MCM3: variants seen among roughly 807,000 people sequenced by gnomAD.
MCM3 encodes DNA replication licensing factor MCM3.
A neutral mutation model predicts 91.3 loss-of-function variants in MCM3; 59 were observed. The ratio of observed to expected loss-of-function variants is 0.65; its 90% CI spans 0.52 to 0.80. The LOEUF is 0.80. Among genes scored for constraint, MCM3 ranks in the 30% least tolerant of loss-of-function variants. MCM3 has a pLI of 0.00. For synonymous variants in MCM3, 383 were observed against 379.6 expected (o/e 1.01, Z -0.10); for missense variants, 919 against 1,035.4 (o/e 0.89, Z 1.54).
intron 9 of MCM3, 51 bp downstream of exon 9, chr6:52,276,217 A>T (rs773749924): frequency 5.2e-6 from 8 of 1,530,658 alleles, no homozygotes; most frequent in Non-Finnish European, 6.2e-6. Flanking sequence ...CCAGTTAGTC[A>T]GCAAAACCAA....
At chr6:52,265,148 A>G in intron 16 of MCM3, 1 of 343,372 alleles carries the variant, frequency 2.9e-6, no homozygotes, top group Non-Finnish European at 5.7e-6. Context: ...GTGCACACTG[A>G]TAAATTTAAT....
rs758832896 is a variant in MCM3 at position 52,272,392 on chromosome 6, T to C, written c.1736A>G (p.Lys579Arg). ...KKYIHVAKII[K>R]PVLTQESATY... The stretch of plus-strand genomic sequence containing the variant: ...GGCCGACTCCTGTGTCAGGACAGGC[T>C]TGATGATTTTGGCCACATGGATGTA... The change falls in exon 12 of 17, where the codon AAG becomes AGG. Residue 579 changes from lysine to arginine, a missense_variant. Around this residue, in one of 3 missense-constraint regions of MCM3, gnomAD observed 285 missense variants for 311.4 expected, o/e 0.92. Transcript: ENST00000596288. 8.1e-6 allele frequency: 13 copies of C among 1,614,072 alleles called. No individual in the cohort carries two copies. The highest frequency in any genetic ancestry group is 1.3e-5 in the African/African-American group (1 of 74,920).
At position 52,273,214 on chromosome 6, in the gene MCM3, TTA is replaced by T. The variant is rs1272348078; in HGVS notation, c.1676+14_1676+15del. 6.2e-7 allele frequency: 1 copy of T among 1,613,794 alleles called. No individual in the cohort carries two copies. The highest frequency in any genetic ancestry group is 1.1e-5 in the South Asian group (1 of 91,058). On this transcript the variant is annotated intron_variant, in intron 11 of 16. Transcript: ENST00000596288. ...TATTTCAGGTTCCCTTGAGGAAGAG[TTA>T]TGAGAATGCTCACTTTTTCTTCTTG...
At position 52,282,156 on chromosome 6, in the gene MCM3, T is replaced by A. The variant is rs766941891; in HGVS notation, c.420A>T (p.Lys140Asn). The change falls in exon 4 of 17, where the codon AAA becomes AAT. Residue 140 changes from lysine to asparagine, a missense_variant. Around this residue, in one of 3 missense-constraint regions of MCM3, gnomAD observed 401 missense variants for 402.7 expected, o/e 1.00. Coordinates refer to ENST00000596288, the MANE Select transcript of MCM3 (RefSeq NM_002388.6). Reference sequence around the variant, plus strand: ...GACAGTAGTGGACACTGCGGACGACTTTGGGACGAACTAGAGAACCTAGGG... The same window carrying A: ...GACAGTAGTGGACACTGCGGACGACATTGGGACGAACTAGAGAACCTAGGG... ...IVTKCSLVRP[K>N]VVRSVHYCPA... 3 of 1,614,136 alleles carry A rather than the reference T, an allele frequency of 1.9e-6. No homozygotes were observed. Among genetic ancestry groups the A allele is most frequent in the Non-Finnish European group, 2.5e-6 (3 of 1,179,990 alleles).
At chr6:52,275,722 G>C (rs997049914) in intron 9 of MCM3, among the ~76,000 whole-genome samples, 6 of 152,138 alleles carry the variant, frequency 3.9e-5, no homozygotes, top group Admixed American at 3.3e-4. Context: ...CGGAATACTA[G>C]AAATCTATTT....
rs1348268831 is a variant in MCM3 at position 52,284,643 on chromosome 6, T to A, written c.32A>T (p.Glu11Val). 6.2e-7 allele frequency: 1 copy of A among 1,604,602 alleles called. No homozygotes were observed. Among genetic ancestry groups the A allele is most frequent in the Non-Finnish European group, 8.5e-7 (1 of 1,176,658 alleles). MAGTVVLDDV[E>V]LREAQRDYLD... ...GTAATCTCTCTGAGCCTCCCGCAGC[T>A]CCACATCGTCCAGCACCACGGTACC... Residue 11 changes from glutamate to valine, a missense_variant, in exon 1 of 17, where the codon GAG (glutamate) becomes GTG (valine). Physicochemically the swap from Glu to Val is moderately radical, Grantham distance 121. This residue lies in a region of MCM3 where 401 missense variants were observed against 402.7 expected (regional missense o/e 1.00). Coordinates refer to ENST00000596288, the MANE Select transcript of MCM3 (RefSeq NM_002388.6).
chr6:52,274,274 A>G (rs1259139041), intron 9 of MCM3, among the ~76,000 whole-genome samples: 1 of 152,140 alleles, frequency 6.6e-6, no homozygotes, highest in African/African-American at 2.4e-5. Flanking sequence ...ACCTGTCATA[A>G]AGACAGGGCA....
intron 5 of MCM3, 122 bp from the exon 6 acceptor site, chr6:52,278,972 G>A: frequency 3.2e-6 from 2 of 627,218 alleles, no homozygotes; most frequent in African/African-American, 1.8e-5. Context: ...TAGAGTTGGT[G>A]GGGAGGGGGC....
chr6:52,283,379 C>G lies in MCM3; in HGVS notation c.106G>C (p.Val36Leu). ...EEDQGIYQSK[V>L]RELISDNQYR... ...TGGTTGTCACTGATCAGCTCCCGAA[C>G]TTTGCTCTGATAAATTCCCTGGTCT... The change falls in exon 2 of 17, where the codon GTT becomes CTT. Residue 36 changes from valine (V) to leucine (L), a missense_variant. Coordinates refer to ENST00000596288, the MANE Select transcript of MCM3 (RefSeq NM_002388.6). 1 of 1,614,208 alleles carries G rather than the reference C, an allele frequency of 6.2e-7. No homozygotes were observed. The highest frequency in any genetic ancestry group is 8.5e-7 in the Non-Finnish European group (1 of 1,180,022).
At chr6:52,268,497 C>T (rs1040007237) in intron 13 of MCM3, among the ~76,000 whole-genome samples, 2 of 152,174 alleles carry the variant, frequency 1.3e-5, no homozygotes, top group African/African-American at 4.8e-5. Flanking sequence ...ATTAGACTCA[C>T]AACTCAACCC....
rs753057016 is a variant in MCM3, at chr6:52,284,638, G to A, written c.37C>T (p.Arg13Trp). Residue 13 changes from arginine to tryptophan, a missense_variant, in exon 1 of 17, where the codon CGG (arginine) becomes TGG (tryptophan). Arg to Trp is a moderately radical substitution (Grantham distance 101). Transcript: ENST00000596288. ...GTVVLDDVEL[R>W]EAQRDYLDFL... ...TCCAGGTAATCTCTCTGAGCCTCCC[G>A]CAGCTCCACATCGTCCAGCACCACG... 44 of 1,606,864 alleles carry A rather than the reference G, an allele frequency of 2.7e-5. No homozygotes were observed. Among genetic ancestry groups the A allele is most frequent in the Non-Finnish European group, 3.7e-5 (43 of 1,177,688 alleles).
chr6:52,279,613 C>A lies in MCM3; in HGVS notation c.532-14G>T, dbSNP rs1321313000. On this transcript the variant is annotated splice_polypyrimidine_tract_variant and intron_variant, in intron 4 of 16. Transcript: ENST00000596288. Reference sequence around the variant, plus strand: ...GTTCTCCTCATCCTAGAAAAAGGCACACAGAGGGACAGAGTGATCTCCGTC... The same window carrying A: ...GTTCTCCTCATCCTAGAAAAAGGCAAACAGAGGGACAGAGTGATCTCCGTC... 3 of 1,584,692 alleles carry A rather than the reference C, an allele frequency of 1.9e-6. No individual in the cohort carries two copies. The highest frequency in any genetic ancestry group is 2.6e-6 in the Non-Finnish European group (3 of 1,155,744).
In MCM3 at chr6:52,273,916, A is replaced by G. The variant is rs1251800666; in HGVS notation, c.1375T>C (p.Tyr459His). The G allele has an allele frequency of 6.2e-7, 1 of 1,606,970 alleles. No individual in the cohort carries two copies. Among genetic ancestry groups the G allele is most frequent in the Non-Finnish European group, 8.5e-7 (1 of 1,175,630 alleles). ...TCCATTGGAGTCTTATACTGGTCATACTGGGGAATGCGAGGACAACAGAAG... is the reference window on the plus strand; with the variant it reads ...TCCATTGGAGTCTTATACTGGTCATGCTGGGGAATGCGAGGACAACAGAAG... The part of the protein sequence containing the change: ...LAAANPVYGR[Y>H]DQYKTPMENI... Residue 459 changes from tyrosine to histidine, a missense_variant and splice_region_variant, in exon 10 of 17, where the codon TAT (tyrosine) becomes CAT (histidine). Physicochemically the swap from Tyr to His is moderately conservative, Grantham distance 83 (BLOSUM62 2). This residue lies in a region of MCM3 where 233 missense variants were observed against 321.2 expected (regional missense o/e 0.73). Transcript: ENST00000596288.
intron 13 of MCM3, among the ~76,000 whole-genome samples, 153 bp downstream of exon 13, chr6:52,268,933 A>G (rs10456658): frequency 0.015 from 2,289 of 152,370 alleles, 25 homozygotes; most frequent in Middle Eastern, 0.027. Flanking sequence ...TGAGTGTTTC[A>G]GAGGAAAGAG....
At chr6:52,282,282 G>A in intron 3 of MCM3, 107 bp from the exon 4 acceptor site, 1 of 998,638 alleles carries the variant, frequency 1.0e-6, no homozygotes, top group Non-Finnish European at 1.5e-6. Context: ...GTGTTTTTTT[G>A]ACTAGGTTAC....
intron 3 of MCM3, 97 bp from the exon 4 acceptor site, chr6:52,282,272 G>T: frequency 1.8e-6 from 2 of 1,107,216 alleles, no homozygotes; most frequent in Non-Finnish European, 2.7e-6. Context: ...TCCAAATACT[G>T]TGTTTTTTTG....
intron 16 of MCM3, 75 bp from the exon 17 acceptor site, chr6:52,264,861 A>T: frequency 7.9e-7 from 1 of 1,272,248 alleles, no homozygotes; most frequent in Non-Finnish European, 1.1e-6. Context: ...ATACTAGGAA[A>T]ATCCATAGTA....
chr6:52,284,306 G>A (rs1457454819), intron 1 of MCM3, among the ~76,000 whole-genome samples: 4 of 152,216 alleles, frequency 2.6e-5, no homozygotes, highest in African/African-American at 4.8e-5. Context: ...AATGCAAAAG[G>A]CCGAGGTGGG....
At position 52,266,670 on chromosome 6, in the gene MCM3, T is replaced by A. The variant is rs749208219; in HGVS notation, c.2099A>T (p.Lys700Ile). 1 of 1,614,086 alleles carries A rather than the reference T, an allele frequency of 6.2e-7. No homozygotes were observed. Among genetic ancestry groups the A allele is most frequent in the Non-Finnish European group, 8.5e-7 (1 of 1,180,026 alleles). ...KRRKTRQPDA[K>I]DGDSYDPYDF... ...ATAGGGGTCGTATGAATCCCCATCT[T>A]TGGCATCTGGCTGGCGAGTCTTCCT... The change falls in exon 15 of 17, where the codon AAA (lysine) becomes ATA (isoleucine). Residue 700 changes from lysine to isoleucine, a missense_variant. Physicochemically the swap from Lys to Ile is moderately radical, Grantham distance 102. This residue lies in a region of MCM3 where 285 missense variants were observed against 311.4 expected (regional missense o/e 0.92). Transcript: ENST00000596288.
Sources: allele counts gnomAD v4.1 joint callset (sites outside exome capture counted in the v4.1 genomes callset), GRCh38; gene constraint gnomAD v4.1.1; regional missense constraint gnomAD v4.1.1; transcripts MANE v1.5; gene names NCBI Gene and HGNC (gene_info 2026-07-23, HGNC 2026-07-21).